PDE4DIP: variants seen among roughly 807,000 people sequenced by gnomAD.
PDE4DIP encodes phosphodiesterase 4D interacting protein, also known as myomegalin.
Under a neutral mutation model 221.4 loss-of-function variants are expected in PDE4DIP, and 59 were observed. That is an observed-to-expected ratio of 0.27 (90% CI 0.22 to 0.33). The LOEUF is 0.33. Ranked by LOEUF, PDE4DIP falls within the 10% of genes least tolerant of loss-of-function variation. PDE4DIP has a pLI of 1.00. For synonymous variants in PDE4DIP, 404 were observed against 815.9 expected, an observed-to-expected ratio of 0.50 and a Z score of 8.60; for missense variants, 1,036 against 2,154.2, an observed-to-expected ratio of 0.48 and a Z score of 10.28.
chr1:149,010,409 A>G (rs782034422), intron 30 of PDE4DIP, 34 bp from the exon 34 acceptor site: 4 of 1,606,650 alleles, frequency 2.5e-6, no homozygotes, highest in Admixed American at 3.3e-5. Context: ...TCTGTAGAAC[A>G]TCATACGTTT....
In PDE4DIP at chr1:148,998,390, C is replaced by T; in HGVS notation, c.3137+15C>T. The T allele has an allele frequency of 1.3e-6, 2 of 1,522,820 alleles. No individual in the cohort carries two copies. Among genetic ancestry groups the T allele is most frequent in the Non-Finnish European group, 1.8e-6 (2 of 1,100,126 alleles). The allele number at this position is 1,522,820 out of a possible 1,614,324, so 94.3% of individuals were successfully genotyped here. ...TCCCACATCAGGTAGGACATTCTTCCCAGGGAAGGGGAGCTTGCAGGTCAT... is the reference window on the plus strand; with the variant it reads ...TCCCACATCAGGTAGGACATTCTTCTCAGGGAAGGGGAGCTTGCAGGTCAT... On this transcript the variant is annotated intron_variant, in intron 23 of 43. Transcript: ENST00000369354.
chr1:148,996,826 T>C (rs782495421), intron 22 of PDE4DIP, among the ~76,000 whole-genome samples: 4 of 152,188 alleles, frequency 2.6e-5, no homozygotes, highest in Non-Finnish European at 5.9e-5. Flanking sequence ...ATAAAGCATA[T>C]AATTAATTCT....
chr1:148,821,328 A>C (rs201953178), intron 1 of PDE4DIP, among the ~76,000 whole-genome samples: 1 of 148,908 alleles, frequency 6.7e-6, no homozygotes, highest in Non-Finnish European at 1.5e-5. Flanking sequence ...CTATTTTAAA[A>C]AATAGCTGGA....
intron 19 of PDE4DIP, among the ~76,000 whole-genome samples, chr1:148,978,709 A>G (rs587673874): frequency 1.3e-3 from 203 of 152,202 alleles, no homozygotes; most frequent in African/African-American, 4.5e-3. Flanking sequence ...CAGCCTCCTG[A>G]GTAGCTGGAG....
At chr1:148,985,948 G>A (rs2061841044) in intron 21 of PDE4DIP, 1 of 152,138 alleles carries the variant, frequency 6.6e-6, no homozygotes, top group Non-Finnish European at 1.5e-5. Context: ...CAAAGTCATA[G>A]CTCCAAGATA....
chr1:148,930,282 G>C (rs2047601251), intron 2 of PDE4DIP: 1 of 152,122 alleles, frequency 6.6e-6, no homozygotes, highest in East Asian at 1.9e-4. Context: ...GGGAGGCCGA[G>C]GTGGGTGGAT....
chr1:149,029,027 TG>T (rs1453236526), intron 41 of PDE4DIP, among the ~76,000 whole-genome samples: 5 of 152,244 alleles, frequency 3.3e-5, no homozygotes. Flanking sequence ...CTCTGAAGTT[TG>T]ACTGAGCTGA....
At chr1:149,017,796 A>C (rs781878297) in exon 34 of PDE4DIP, 8 of 1,609,408 alleles carry the variant, frequency 5.0e-6, no homozygotes, top group Non-Finnish European at 4.2e-6. Flanking sequence ...AACCTGCGCC[A>C]GCGCCTGGAG....
chr1:148,933,491 C>A (rs3124679), intron 4 of PDE4DIP, among the ~76,000 whole-genome samples: 1 of 135,464 alleles, frequency 7.4e-6, no homozygotes, highest in Non-Finnish European at 1.6e-5. Context: ...ATGTCCTCTC[C>A]ACTTCCAGTC....
intron 1 of PDE4DIP, among the ~76,000 whole-genome samples, chr1:148,855,402 ATTG>A (rs1181248360): frequency 2.9e-5 from 4 of 139,060 alleles, no homozygotes; most frequent in African/African-American, 9.9e-5. Context: ...ACTTAAAGAA[ATTG>A]TTGTGGATGC....
chr1:149,030,381 C>T (rs1559462763), intron 43 of PDE4DIP, 103 bp downstream of exon 46: 1 of 1,536,418 alleles, frequency 6.5e-7, no homozygotes, highest in Non-Finnish European at 8.8e-7. Context: ...TTTGGCCTTC[C>T]AGGAGAAGAC....
At chr1:149,028,681 T>A (rs781904413) in exon 41 of PDE4DIP, 25 of 1,598,096 alleles carry the variant, frequency 1.6e-5, no homozygotes, top group Non-Finnish European at 1.7e-5. Context: ...AGCACCCACA[T>A]CCCTGTGCTG....
intron 4 of PDE4DIP, among the ~76,000 whole-genome samples, chr1:148,934,294 A>G (rs1159520000): frequency 6.6e-6 from 1 of 151,990 alleles, no homozygotes; most frequent in East Asian, 1.9e-4. Flanking sequence ...GTTCCCCAAG[A>G]CAGTGTCATA....
chr1:148,983,252 A>G (rs1367460386), intron 21 of PDE4DIP: 1 of 152,064 alleles, frequency 6.6e-6, no homozygotes, highest in African/African-American at 2.4e-5. Context: ...GCATTTAGGG[A>G]ACATCTTTCC....
chr1:148,949,087 AGTACTGTATT>A (rs1193328291), intron 5 of PDE4DIP, among the ~76,000 whole-genome samples: 1 of 152,220 alleles, frequency 6.6e-6, no homozygotes, highest in Non-Finnish European at 1.5e-5. Context: ...ATCGCTGGCT[AGTACTGTATT>A]GTATTGTATG....
chr1:149,018,173 G>C (rs2071352620), intron 34 of PDE4DIP, among the ~76,000 whole-genome samples: 1 of 151,918 alleles, frequency 6.6e-6, no homozygotes, highest in African/African-American at 2.4e-5. Context: ...AACCAGGTCT[G>C]TAAGGGTCCT....
chr1:148,999,480 T>G (rs2065104877), intron 23 of PDE4DIP, among the ~76,000 whole-genome samples: 1 of 152,366 alleles, frequency 6.6e-6, no homozygotes. Context: ...TGCTCAAGGT[T>G]GCATAATATC....
chr1:148,838,705 G>T (rs2762759), intron 1 of PDE4DIP, among the ~76,000 whole-genome samples: 1 of 120,600 alleles, frequency 8.3e-6, no homozygotes, highest in Non-Finnish European at 1.9e-5. Flanking sequence ...GTGGCTAAAA[G>T]AAACCTCTTT....
chr1:148,879,039 T>TG (rs372774263), intron 3 of PDE4DIP, among the ~76,000 whole-genome samples: 5 of 75,594 alleles, frequency 6.6e-5, no homozygotes, highest in Non-Finnish European at 1.1e-4. Flanking sequence ...TGTTTTGTTT[T>TG]TTTTTTTTTT....
Sources: gnomAD v4.1 joint callset for allele counts (sites outside exome capture counted in the v4.1 genomes callset) on GRCh38, gnomAD v4.1.1 for gene constraint, MANE v1.5 for transcripts, NCBI Gene and HGNC (gene_info 2026-07-23, HGNC 2026-07-21) for gene names.